The following MYOM1 variants were observed in gnomAD, a reference collection of about 807,000 sequenced individuals.
MYOM1 encodes the protein myomesin 1, also known as myomesin-1.
In MYOM1, 164 loss-of-function variants were observed where a neutral mutation model predicts 205.3. That is an observed-to-expected ratio of 0.80 (90% CI 0.70 to 0.91). MYOM1 has a LOEUF of 0.91. Ranked by LOEUF, MYOM1 falls within the 40% of genes least tolerant of loss-of-function variation. MYOM1 has a pLI of 0.00. For missense variants in MYOM1, 2,011 were observed against 2,127.3 expected (o/e 0.95, Z 1.08); for synonymous variants, 772 against 789.4 (o/e 0.98, Z 0.37).
chr18:3,188,645 A>G (rs1298358832), intron 4 of MYOM1, 103 bp downstream of exon 4: 5 of 1,233,398 alleles, frequency 4.1e-6, no homozygotes, highest in Non-Finnish European at 5.4e-6. Context: ...AAAAAAAAAA[A>G]GAAACAAATC....
chr18:3,094,098 C>T, intron 26 of MYOM1, 72 bp downstream of exon 26: 3 of 1,512,034 alleles, frequency 2.0e-6, no homozygotes, highest in Non-Finnish European at 2.7e-6. Flanking sequence ...ACAACATATC[C>T]ACATCCACAT....
chr18:3,221,387 C>T (rs2144282828), upstream of MYOM1, among the ~76,000 whole-genome samples: 1 of 152,278 alleles, frequency 6.6e-6, no homozygotes, highest in Non-Finnish European at 1.5e-5. Flanking sequence ...ATGATAACTA[C>T]AGTTAACACT....
At chr18:3,137,336 G>A (rs1177909523) in intron 14 of MYOM1, among the ~76,000 whole-genome samples, 2 of 152,062 alleles carry the variant, frequency 1.3e-5, no homozygotes, top group Non-Finnish European at 2.9e-5. Context: ...CTATCCAAAA[G>A]AAAGAAAATC....
Position 3,085,073 on chromosome 18 carries a change from A to G in MYOM1, c.4311T>C (p.Asp1437=), listed in dbSNP as rs2079133877. The G allele has an allele frequency of 6.2e-7, 1 of 1,608,740 alleles. No homozygotes were observed. The highest frequency in any genetic ancestry group is 8.5e-7 in the Non-Finnish European group (1 of 1,177,460). ...CATCCACAAGCTTCAGTCTGCTCTTATCTTTTCCTCGGTCATCTTTCAGGA... is the reference window on the plus strand; with the variant it reads ...CATCCACAAGCTTCAGTCTGCTCTTGTCTTTTCCTCGGTCATCTTTCAGGA... ...EVILKDDRGK[D]KSRLKLVDEA... The change falls in exon 31 of 38, where the codon GAT becomes GAC. Residue 1437 remains aspartate, a synonymous_variant. Coordinates refer to ENST00000356443, the MANE Select transcript of MYOM1 (RefSeq NM_003803.4).
At chr18:3,200,570 T>C (rs1215368058) in intron 2 of MYOM1, among the ~76,000 whole-genome samples, 3 of 152,110 alleles carry the variant, frequency 2.0e-5, no homozygotes, top group Non-Finnish European at 4.4e-5. Flanking sequence ...AAGGACACTC[T>C]GGAGTTAAAA....
chr18:3,184,521 C>T (rs1156458565), intron 5 of MYOM1, among the ~76,000 whole-genome samples: 5 of 152,208 alleles, frequency 3.3e-5, no homozygotes, highest in Non-Finnish European at 7.3e-5. Flanking sequence ...AACTCTTGCT[C>T]TCAGAAGTAT....
chr18:3,075,692 T>G (rs1258963685), intron 35 of MYOM1, 33 bp downstream of exon 35: 2 of 1,598,346 alleles, frequency 1.3e-6, no homozygotes, highest in South Asian at 2.2e-5. Flanking sequence ...AATTAGTGCA[T>G]GCAAGTGGCA....
intron 4 of MYOM1, among the ~76,000 whole-genome samples, chr18:3,187,860 T>C (rs1031062349): frequency 6.9e-6 from 1 of 145,744 alleles, no homozygotes; most frequent in Non-Finnish European, 1.5e-5. Context: ...TCTTTTTCTT[T>C]TTTTTTTTTT....
chr18:3,246,349 C>A, the MYOM1 span: 10 of 152,252 alleles, frequency 6.6e-5, no homozygotes, highest in Admixed American at 1.3e-4. Context: ...CACTTAGGAC[C>A]CCCATTACAT....
Position 3,126,871 on chromosome 18 carries a change from T to A in MYOM1, c.2821A>T (p.Thr941Ser). The change falls in exon 19 of 38, where the codon ACC (threonine) becomes TCC (serine). Residue 941 changes from threonine (T) to serine (S), a missense_variant. By Grantham distance (58) the Thr-to-Ser change is moderately conservative. Transcript: ENST00000356443. Reference protein sequence around the residue: ...RAPPSPPCDITCLESFRDSMV... With the variant: ...RAPPSPPCDISCLESFRDSMV... ...GAGTCACGAAAACTTTCAAGACAGG[T>A]GATATCACAGGGTGGAGATGGTGGT... is the stretch of plus-strand genomic sequence containing the variant. The A allele has an allele frequency of 6.2e-7, 1 of 1,611,776 alleles. No homozygotes were observed. Among genetic ancestry groups the A allele is most frequent in the African/African-American group, 1.3e-5 (1 of 74,996 alleles).
chr18:3,193,355 T>TGTACATATAC (rs2080944252), intron 3 of MYOM1, among the ~76,000 whole-genome samples: 1 of 99,782 alleles, frequency 1.0e-5, no homozygotes, highest in Non-Finnish European at 2.3e-5. Context: ...TACATATATA[T>TGTACATATAC]ATATATACAC....
At chr18:3,071,135 C>G (rs182825911) in intron 37 of MYOM1, among the ~76,000 whole-genome samples, 10 of 152,108 alleles carry the variant, frequency 6.6e-5, no homozygotes, top group African/African-American at 2.2e-4. Flanking sequence ...AAGAAAGAAG[C>G]CTGTTTTCAA....
intron 11 of MYOM1, 39 bp downstream of exon 11, chr18:3,154,908 G>A (rs2080272520): frequency 6.3e-7 from 1 of 1,591,250 alleles, no homozygotes; most frequent in Non-Finnish European, 8.6e-7. Context: ...GCATCTCTAT[G>A]ACCAAATAAC....
Position 3,152,682 on chromosome 18 carries a change from TCTTA to T in MYOM1, c.1644-793_1644-790del, listed in dbSNP as rs1163037234. Reference sequence around the variant, plus strand: ...ATTTTACAGATTAGGATTAAGCAGCTCTTACTTTTTTTATGAGCAGAGTGCTGTA... The same window carrying T: ...ATTTTACAGATTAGGATTAAGCAGCTCTTTTTTTATGAGCAGAGTGCTGTA... On this transcript the variant is annotated intron_variant, in intron 11 of 37. Transcript: ENST00000356443. The surrounding 1 kb of genome is among the most constrained non-coding windows in gnomAD (Gnocchi z 4.3). 4.2e-5 allele frequency among the ~76,000 whole-genome samples: 6 copies of T among 143,444 alleles called. No homozygotes were observed. The highest frequency in any genetic ancestry group is 9.2e-5 in the Non-Finnish European group (6 of 65,002). 94.1% of individuals were successfully genotyped at this position (143,444 alleles called of 152,430 possible).
rs939765635 is a variant in MYOM1, at chr18:3,152,334, A to G, written c.1644-441T>C. 1.3e-5 allele frequency among the ~76,000 whole-genome samples: 2 copies of G among 152,168 alleles called. No homozygotes were observed. Among genetic ancestry groups the G allele is most frequent in the African/African-American group, 4.8e-5 (2 of 41,436 alleles). On this transcript the variant is annotated intron_variant, in intron 11 of 37. Coordinates refer to ENST00000356443, the MANE Select transcript of MYOM1 (RefSeq NM_003803.4). This position sits in a 1 kb window ranked among gnomAD's most constrained non-coding sequence, Gnocchi z 4.3. ...TTATTGAGAAAATTGGCGTCTTAAAACCTAACTATTTGCACTGTAGTTTGG... is the reference window on the plus strand; with the variant it reads ...TTATTGAGAAAATTGGCGTCTTAAAGCCTAACTATTTGCACTGTAGTTTGG...
chr18:3,169,030 G>A (rs2080513991), intron 8 of MYOM1, 49 bp from the exon 9 acceptor site: 7 of 1,489,420 alleles, frequency 4.7e-6, no homozygotes, highest in South Asian at 3.8e-5. Context: ...TCATCAAAGA[G>A]ACACAAGCAT....
In MYOM1 at chr18:3,094,424, T is replaced by A. The variant is rs1271282333; in HGVS notation, c.3728-118A>T. 6.5e-6 allele frequency: 7 copies of A among 1,072,488 alleles called. No individual in the cohort carries two copies. The Admixed American group carries it at 2.0e-4, about 31-fold the overall frequency. 66.4% of individuals were successfully genotyped at this position (1,072,488 alleles called of 1,614,324 possible). On this transcript the variant is annotated intron_variant, in intron 25 of 37. Coordinates refer to ENST00000356443, the MANE Select transcript of MYOM1 (RefSeq NM_003803.4). The stretch of plus-strand genomic sequence containing the variant: ...ACAATGGAAATGACAATGTAGCACC[T>A]GCTTCTTGCAAAGCCCAGAGGCAGT...
intron 33 of MYOM1, among the ~76,000 whole-genome samples, 187 bp from the exon 34 acceptor site, chr18:3,079,529 C>T (rs1233063972): frequency 1.3e-5 from 2 of 151,858 alleles, no homozygotes; most frequent in East Asian, 3.9e-4. Flanking sequence ...TTCCAGGGCC[C>T]AAGGTGTGAC....
chr18:3,100,399 C>G lies in MYOM1; in HGVS notation c.3603G>C (p.Gly1201=). The change falls in exon 24 of 38, where the codon GGG becomes GGC. Residue 1201 remains glycine, a synonymous_variant. Transcript: ENST00000356443. The part of the protein sequence containing the change: ...NKTKMTFKDL[G]MDDLGIYSCD... ...AAGAGTAAATACCCAAGTCATCCATCCCAAGGTCTTTGAAGGTCATTTTCG... is the reference window on the plus strand; with the variant it reads ...AAGAGTAAATACCCAAGTCATCCATGCCAAGGTCTTTGAAGGTCATTTTCG... 2 of 1,613,914 alleles carry G rather than the reference C, an allele frequency of 1.2e-6. No individual in the cohort carries two copies. Among genetic ancestry groups the G allele is most frequent in the Non-Finnish European group, 1.7e-6 (2 of 1,179,832 alleles).
Sources: gnomAD v4.1 joint callset for allele counts (sites outside exome capture counted in the v4.1 genomes callset) on GRCh38, gnomAD v4.1.1 for gene constraint, Gnocchi (gnomAD v3.1) non-coding constraint, MANE v1.5 for transcripts, NCBI Gene and HGNC (gene_info 2026-07-23, HGNC 2026-07-21) for gene names.